SAMD13: variants seen among roughly 807,000 people sequenced by gnomAD.
SAMD13 encodes the protein sterile alpha motif domain containing 13.
Under a neutral mutation model 12.4 loss-of-function variants are expected in SAMD13, and 9 were observed. The ratio of observed to expected loss-of-function variants is 0.72; its 90% CI spans 0.44 to 1.26. The LOEUF (loss-of-function observed/expected upper bound fraction) is 1.26, where lower values mean the gene tolerates loss of function less well. Among genes scored for constraint, SAMD13 ranks in the 50% most tolerant of loss-of-function variants. The pLI, the probability that SAMD13 is intolerant of heterozygous loss-of-function variation, is 0.00. For synonymous variants in SAMD13, 46 were observed against 45.4 expected (o/e 1.01, Z -0.05); for missense variants, 84 against 119.6 (o/e 0.70, Z 1.39).
At chr1:84,320,114 G>T (rs148605239) in intron 2 of SAMD13, among the ~76,000 whole-genome samples, 37 of 152,256 alleles carry the variant, frequency 2.4e-4, no homozygotes, top group African/African-American at 7.7e-4. Flanking sequence ...AGTTTCCAAT[G>T]CTTATTAAGT....
Position 84,314,887 on chromosome 1 carries a change from G to A in SAMD13, c.54-10750G>A, listed in dbSNP as rs1008549130. Reference sequence around the variant, plus strand: ...TAGCCAGGATCTGATGTTGTAAACCGTTTTCCAGATACGTATGATAAGTTA... The same window carrying A: ...TAGCCAGGATCTGATGTTGTAAACCATTTTCCAGATACGTATGATAAGTTA... On this transcript the variant is annotated intron_variant, in intron 2 of 3. Transcript: ENST00000394834. Among the ~76,000 whole-genome samples, 3 of 152,146 alleles carry A rather than the reference G, an allele frequency of 2.0e-5. No individual in the cohort carries two copies. In the South Asian group the frequency reaches 6.2e-4, roughly 32 times the overall value.
At chr1:84,299,673 A>ATATTTATT (rs752937628), upstream of SAMD13, 2 of 900,498 alleles carry the variant, frequency 2.2e-6, no homozygotes, top group African/African-American at 1.8e-5. Flanking sequence ...ATATATATAT[A>ATATTTATT]TATTTATTTA....
intron 3 of SAMD13, among the ~76,000 whole-genome samples, chr1:84,342,430 G>A (rs1679446530): frequency 6.6e-6 from 1 of 152,154 alleles, no homozygotes; most frequent in Non-Finnish European, 1.5e-5. Flanking sequence ...CAAAGTTGGA[G>A]GCATCATGCT....
In SAMD13 at chr1:84,343,958, AT is replaced by A. The variant is rs1679479908; in HGVS notation, c.166-5669del. On this transcript the variant is annotated intron_variant, in intron 3 of 3. Coordinates refer to ENST00000394834, the MANE Select transcript of SAMD13 (RefSeq NM_001134663.2). The stretch of plus-strand genomic sequence containing the variant: ...TCTAGTTATATTTTGTAAATCTACT[AT>A]TTTGAAAAGCCTGCCTAGTTTCATC... Among the ~76,000 whole-genome samples the A allele has an allele frequency of 2.0e-5, 3 of 152,242 alleles. 1 individual carries two copies. In the South Asian group the frequency reaches 6.2e-4, roughly 32 times the overall value.
At chr1:84,315,214 A>G (rs1283556291) in intron 2 of SAMD13, among the ~76,000 whole-genome samples, 1 of 152,030 alleles carries the variant, frequency 6.6e-6, no homozygotes, top group African/African-American at 2.4e-5. Context: ...TCCAGGCAGA[A>G]ATTTTATACC....
rs1349186755 is a variant in SAMD13 at position 84,302,740 on chromosome 1, A to G, written c.-32-463A>G. The G allele has an allele frequency of 7.3e-6, 7 of 957,614 alleles. No homozygotes were observed. The African/African-American group carries it at 1.2e-4, about 17-fold the overall frequency. The allele number at this position is 957,614 out of a possible 1,614,324, so 59.3% of individuals were successfully genotyped here. The stretch of plus-strand genomic sequence containing the variant: ...GCTTTAAGTGTCCTTCTGCATTGCA[A>G]TGAAAAAATCTAGGAGCAAGGGGGA... On this transcript the variant is annotated intron_variant, in intron 1 of 3. Transcript: ENST00000394834.
chr1:84,316,493 T>C (rs1168785529), intron 2 of SAMD13, among the ~76,000 whole-genome samples: 1 of 152,160 alleles, frequency 6.6e-6, no homozygotes, highest in Non-Finnish European at 1.5e-5. Context: ...CTCCATTTTG[T>C]GTTCTTGGCA....
At chr1:84,325,866 G>T (rs1048162447) in intron 3 of SAMD13, 118 bp downstream of exon 3, 4 of 654,974 alleles carry the variant, frequency 6.1e-6, no homozygotes, top group African/African-American at 5.4e-5. Context: ...GGAGGAATCA[G>T]TGAGGCTCTG....
chr1:84,307,387 CT>C (rs996186723), intron 2 of SAMD13, among the ~76,000 whole-genome samples: 11 of 152,126 alleles, frequency 7.2e-5, no homozygotes, highest in African/African-American at 2.7e-4. Context: ...CAATGTGGAT[CT>C]TTTTAAGAGT....
intron 3 of SAMD13, among the ~76,000 whole-genome samples, chr1:84,339,927 G>A (rs1054925332): frequency 3.9e-5 from 6 of 152,220 alleles, no homozygotes; most frequent in African/African-American, 1.4e-4. Context: ...GTTATAGAAA[G>A]GGATGAGATC....
chr1:84,315,739 G>T (rs1368408550), intron 2 of SAMD13, among the ~76,000 whole-genome samples: 1 of 152,124 alleles, frequency 6.6e-6, no homozygotes. Flanking sequence ...ACTCTGAAGT[G>T]GGATTGCTAT....
chr1:84,319,315 C>T (rs147392844), intron 2 of SAMD13, among the ~76,000 whole-genome samples: 243 of 152,158 alleles, frequency 1.6e-3, no homozygotes, highest in African/African-American at 5.5e-3. Context: ...AAAAAGTATT[C>T]ATTGAGTCTG....
intron 3 of SAMD13, among the ~76,000 whole-genome samples, chr1:84,338,689 C>T (rs745575371): frequency 9.9e-5 from 15 of 152,092 alleles, no homozygotes; most frequent in African/African-American, 2.7e-4. Context: ...CCACCTGCCT[C>T]GGCCTCCCAA....
intron 2 of SAMD13, among the ~76,000 whole-genome samples, chr1:84,305,168 C>T (rs1372000344): frequency 6.6e-6 from 1 of 152,178 alleles, no homozygotes; most frequent in Admixed American, 6.5e-5. Context: ...AGTTGTTCCA[C>T]ATGCTCATGA....
At chr1:84,302,670 G>A in intron 1 of SAMD13, 1 of 986,250 alleles carries the variant, frequency 1.0e-6, no homozygotes, top group East Asian at 1.1e-4. Context: ...GGGTTTTTGA[G>A]GCTTTCGTTG....
intron 3 of SAMD13, among the ~76,000 whole-genome samples, chr1:84,332,673 G>A (rs1679217223): frequency 6.6e-6 from 1 of 152,050 alleles, no homozygotes; most frequent in African/African-American, 2.4e-5. Context: ...CTCCCATTTT[G>A]TAGGTTGTTT....
intron 2 of SAMD13, among the ~76,000 whole-genome samples, chr1:84,311,207 G>T (rs542683732): frequency 3.2e-4 from 48 of 151,732 alleles, no homozygotes; most frequent in African/African-American, 1.1e-3. Context: ...ATGGTAGTGG[G>T]CACCTGCAAT....
chr1:84,314,606 C>T (rs1678789472), intron 2 of SAMD13, among the ~76,000 whole-genome samples: 2 of 152,054 alleles, frequency 1.3e-5, no homozygotes, highest in Admixed American at 1.3e-4. Flanking sequence ...CTGCCCTCAC[C>T]CTACCTGAAT....
At position 84,327,673 on chromosome 1, in the gene SAMD13, A is replaced by C. The variant is rs1428348259; in HGVS notation, c.165+1925A>C. Reference sequence around the variant, plus strand: ...ATAAAAACAGAAGTGTTTAGGGTAAAGTATACTGATATATACAAGTCAATT... The same window carrying C: ...ATAAAAACAGAAGTGTTTAGGGTAACGTATACTGATATATACAAGTCAATT... On this transcript the variant is annotated intron_variant, in intron 3 of 3. Transcript: ENST00000394834. Among the ~76,000 whole-genome samples, 3 of 152,334 alleles carry C rather than the reference A, an allele frequency of 2.0e-5. No individual in the cohort carries two copies. In the East Asian group the frequency reaches 5.8e-4, roughly 29 times the overall value.
Sources: gnomAD v4.1 joint callset for allele counts (sites outside exome capture counted in the v4.1 genomes callset) on GRCh38, gnomAD v4.1.1 for gene constraint, MANE v1.5 for transcripts, NCBI Gene and HGNC (gene_info 2026-07-23, HGNC 2026-07-21) for gene names.